Variants in SMYD5 observed in about 807,000 individuals in gnomAD.
The protein encoded by SMYD5 is protein-lysine N-trimethyltransferase SMYD5.
Under a neutral mutation model 57.4 loss-of-function variants are expected in SMYD5, and 35 were observed. The observed-to-expected ratio is 0.61, with a 90% CI of 0.47 to 0.81. The LOEUF (loss-of-function observed/expected upper bound fraction) is 0.81, where lower values mean the gene tolerates loss of function less well. Among genes scored for constraint, SMYD5 ranks in the 30% least tolerant of loss-of-function variants. The probability of loss-of-function intolerance (pLI) is 0.00; values close to 1 mark genes in which losing one functional copy is unlikely to be tolerated. For synonymous variants in SMYD5, 198 were observed against 189.7 expected, an observed-to-expected ratio of 1.04 and a Z score of -0.36; for missense variants, 471 against 527.9, an observed-to-expected ratio of 0.89 and a Z score of 1.06.
In SMYD5 at chr2:73,223,484, G is replaced by T; in HGVS notation, c.835G>T (p.Glu279Ter). The change falls in exon 9 of 13, where the codon GAG (glutamate) becomes TAG (stop). Residue 279 changes from glutamate (E) to a stop codon, truncating the protein, a stop_gained. Coordinates refer to ENST00000389501, the MANE Select transcript of SMYD5 (RefSeq NM_006062.3). LOFTEE classifies it high-confidence loss of function. The part of the protein sequence containing the change: ...DTLELKPQDR[E>*]QLDAFIDQLY... Reference sequence around the variant, plus strand: ...TCTGGAGTTGAAGCCTCAGGACCGTGAGCAGCTTGACGCCTTCATTGACCA... The same window carrying T: ...TCTGGAGTTGAAGCCTCAGGACCGTTAGCAGCTTGACGCCTTCATTGACCA... 1.2e-6 allele frequency: 2 copies of T among 1,614,166 alleles called. No homozygotes were observed. Among genetic ancestry groups the T allele is most frequent in the Non-Finnish European group, 8.5e-7 (1 of 1,180,016 alleles).
rs1686508694 is a variant in SMYD5, at chr2:73,226,442, A to G, written c.*496A>G. 1 of 154,300 alleles carries G rather than the reference A, an allele frequency of 6.5e-6. No individual in the cohort carries two copies. The highest frequency in any genetic ancestry group is 1.4e-5 in the Non-Finnish European group (1 of 69,390). 9.6% of individuals were successfully genotyped at this position (154,300 alleles called of 1,614,324 possible). A position where few individuals can be genotyped will look rare whatever the true frequency, so the allele number is the denominator to read the frequency against. ...TGGCTGGTAAGGCAACTGCTTGACC[A>G]CTGGCCCAGCAAGCAGAGGCGGGCA... On this transcript the variant is annotated 3_prime_UTR_variant, in exon 13 of 13. Transcript: ENST00000389501.
chr2:73,216,865 G>C (rs1021775010), intron 1 of SMYD5, among the ~76,000 whole-genome samples: 2 of 151,838 alleles, frequency 1.3e-5, no homozygotes, highest in Admixed American at 1.3e-4. Context: ...CACCATACCC[G>C]GCCTGCACGA....
chr2:73,214,717 G>A lies in SMYD5; in HGVS notation c.96+355G>A, dbSNP rs773144607. The stretch of plus-strand genomic sequence containing the variant: ...CAGAGAGAACTGAGGTGTAAAAGAG[G>A]GAGTCCTCACGAACTTCATGTGTGA... On this transcript the variant is annotated intron_variant, in intron 1 of 12. Transcript: ENST00000389501. The A allele has an allele frequency of 5.2e-6, 7 of 1,356,292 alleles. No individual in the cohort carries two copies. The South Asian group carries it at 7.4e-5, about 14-fold the overall frequency. The allele number at this position is 1,356,292 out of a possible 1,614,324, so 84.0% of individuals were successfully genotyped here.
In SMYD5 at chr2:73,223,093, G is replaced by C; in HGVS notation, c.763G>C (p.Gly255Arg). The change falls in exon 8 of 13, where the codon GGA becomes CGA. Residue 255 changes from glycine to arginine, a missense_variant. Physicochemically the swap from Gly to Arg is moderately radical, Grantham distance 125. Transcript: ENST00000389501. ...TGCTCTTGTTGGGACCAATGGCCAA[G>C]GAATCGGGACCAGGTTAGAATGTTC... The part of the protein sequence containing the change: ...LFALVGTNGQ[G>R]IGTSSLSQWV... The C allele has an allele frequency of 6.2e-7, 1 of 1,614,022 alleles. No homozygotes were observed. The highest frequency in any genetic ancestry group is 8.5e-7 in the Non-Finnish European group (1 of 1,179,862).
At position 73,226,612 on chromosome 2, in the gene SMYD5, C is replaced by G. The variant is rs1164549360; in HGVS notation, c.*666C>G. On this transcript the variant is annotated 3_prime_UTR_variant, in exon 13 of 13. Transcript: ENST00000389501. ...CCTCCCCCAGACTCGTGCCTTGCCT[C>G]TCAGGACCTGGCACAGTGGCTGGCC... 3 of 153,282 alleles carry G rather than the reference C, an allele frequency of 2.0e-5. No homozygotes were observed. Among genetic ancestry groups the G allele is most frequent in the African/African-American group, 7.2e-5 (3 of 41,442 alleles). The allele number at this position is 153,282 out of a possible 1,614,324, so 9.5% of individuals were successfully genotyped here. A position where few individuals can be genotyped will look rare whatever the true frequency, so the allele number is the denominator to read the frequency against.
intron 7 of SMYD5, 31 bp from the exon 8 acceptor site, chr2:73,223,005 A>G: frequency 6.3e-7 from 1 of 1,598,466 alleles, no homozygotes; most frequent in Non-Finnish European, 8.6e-7. Context: ...AGTGGCTGTA[A>G]TGAGCACTCA....
intron 1 of SMYD5, 189 bp downstream of exon 1, chr2:73,214,551 C>T: frequency 1.1e-5 from 17 of 1,485,182 alleles, no homozygotes; most frequent in Non-Finnish European, 1.5e-5. Context: ...ACGCGATAGA[C>T]CCGGGCCTCC....
In SMYD5 at chr2:73,214,271, C is replaced by T. The variant is rs746575983; in HGVS notation, c.5C>T (p.Ala2Val). 3.7e-6 allele frequency: 6 copies of T among 1,613,578 alleles called. No individual in the cohort carries two copies. In the East Asian group the frequency reaches 8.9e-5, roughly 24 times the overall value. The change falls in exon 1 of 13, where the codon GCG becomes GTG. Residue 2 changes from alanine to valine, a missense_variant. Coordinates refer to ENST00000389501, the MANE Select transcript of SMYD5 (RefSeq NM_006062.3). ...TAAGGCGGAGGCGCGCCCAAGATGG[C>T]GGCCTCCATGTGCGACGTGTTCTCC... is the stretch of plus-strand genomic sequence containing the variant. M[A>V]ASMCDVFSFC...
chr2:73,223,067 T>C lies in SMYD5; in HGVS notation c.737T>C (p.Phe246Ser), dbSNP rs1370729171. 1 of 1,614,190 alleles carries C rather than the reference T, an allele frequency of 6.2e-7. No homozygotes were observed. Among genetic ancestry groups the C allele is most frequent in the Admixed American group, 1.7e-5 (1 of 60,030 alleles). The change falls in exon 8 of 13, where the codon TTT becomes TCT. Residue 246 changes from phenylalanine (F) to serine (S), a missense_variant. Physicochemically the swap from Phe to Ser is radical, Grantham distance 155. Coordinates refer to ENST00000389501, the MANE Select transcript of SMYD5 (RefSeq NM_006062.3). ...WFTPDGFRSL[F>S]ALVGTNGQGI... is the part of the protein sequence containing the mutation. ...ACTCCAGATGGATTCCGGTCTCTCT[T>C]TGCTCTTGTTGGGACCAATGGCCAA...
Position 73,225,890 on chromosome 2 carries a change from G to A in SMYD5, c.1201G>A (p.Glu401Lys), listed in dbSNP as rs1483992694. 5.0e-6 allele frequency: 8 copies of A among 1,614,114 alleles called. No individual in the cohort carries two copies. Among genetic ancestry groups the A allele is most frequent in the Middle Eastern group, 1.6e-4 (1 of 6,084 alleles). The change falls in exon 13 of 13, where the codon GAG becomes AAG. Residue 401 changes from glutamate to lysine, a missense_variant. Transcript: ENST00000389501. ...TSEEEEEEEE[E>K]EEGEPEDAEL... ...AGAAGAGGAAGAGGAAGAGGAGGAG[G>A]AGGAGGAAGGAGAGCCAGAAGATGC...
intron 1 of SMYD5, among the ~76,000 whole-genome samples, chr2:73,215,025 C>T (rs990584937): frequency 1.3e-5 from 2 of 152,206 alleles, no homozygotes; most frequent in African/African-American, 4.8e-5. Flanking sequence ...TTTGATGCAG[C>T]AGTGAATCTT....
intron 10 of SMYD5, 126 bp from the exon 11 acceptor site, chr2:73,224,740 T>G: frequency 1.5e-6 from 1 of 689,362 alleles, no homozygotes; most frequent in Non-Finnish European, 2.5e-6. Context: ...GTCCAGAAAC[T>G]TGGGTTCCAA....
intron 11 of SMYD5, 166 bp downstream of exon 11, chr2:73,225,126 C>T (rs1051702131): frequency 1.7e-6 from 1 of 582,544 alleles, no homozygotes; most frequent in African/African-American, 1.9e-5. Context: ...AGGTTCTAAC[C>T]CTACCTCGCT....
chr2:73,223,239 G>A, intron 8 of SMYD5, 133 bp downstream of exon 8: 1 of 880,870 alleles, frequency 1.1e-6, no homozygotes, highest in Non-Finnish European at 1.9e-6. Flanking sequence ...CACAGTGGTG[G>A]GAATCAGAAT....
At position 73,225,401 on chromosome 2, in the gene SMYD5, G is replaced by A. The variant is rs1189854584; in HGVS notation, c.1036-230G>A. 1.5e-5 allele frequency: 9 copies of A among 610,122 alleles called. No individual in the cohort carries two copies. The African/African-American group carries it at 1.7e-4, about 11-fold the overall frequency. 37.8% of individuals were successfully genotyped at this position (610,122 alleles called of 1,614,324 possible). A position where few individuals can be genotyped will look rare whatever the true frequency, so the allele number is the denominator to read the frequency against. On this transcript the variant is annotated intron_variant, in intron 11 of 12. Coordinates refer to ENST00000389501, the MANE Select transcript of SMYD5 (RefSeq NM_006062.3). ...CATTGACTGGCTTTCACCACGGCCT[G>A]AGGCCAACCAGTCTCCTCTGTCTCA... is the stretch of plus-strand genomic sequence containing the variant.
chr2:73,218,727 C>T (rs948918583), intron 1 of SMYD5, 134 bp from the exon 2 acceptor site: 2 of 648,574 alleles, frequency 3.1e-6, no homozygotes, highest in Non-Finnish European at 5.5e-6. Context: ...TAACCACTCT[C>T]CATGAACTCA....
Position 73,226,217 on chromosome 2 carries a change from G to A in SMYD5, c.*271G>A. Reference sequence around the variant, plus strand: ...TCCCCTTGAGGTTCCTCCACTCTAGGGTTTGAGGGGCTGGAATCAGGGCCA... The same window carrying A: ...TCCCCTTGAGGTTCCTCCACTCTAGAGTTTGAGGGGCTGGAATCAGGGCCA... On this transcript the variant is annotated 3_prime_UTR_variant, in exon 13 of 13. Coordinates refer to ENST00000389501, the MANE Select transcript of SMYD5 (RefSeq NM_006062.3). 1 of 484,404 alleles carries A rather than the reference G, an allele frequency of 2.1e-6. No homozygotes were observed. Among genetic ancestry groups the A allele is most frequent in the East Asian group, 3.4e-5 (1 of 29,798 alleles). The allele number at this position is 484,404 out of a possible 1,614,324, so 30.0% of individuals were successfully genotyped here.
chr2:73,219,963 G>T lies in SMYD5; in HGVS notation c.206-88G>T, dbSNP rs751964435. 194 of 1,493,762 alleles carry T rather than the reference G, an allele frequency of 1.3e-4. 1 individual carries two copies. The highest frequency in any genetic ancestry group is 1.5e-4 in the Non-Finnish European group (159 of 1,070,102). The allele number at this position is 1,493,762 out of a possible 1,614,324, so 92.5% of individuals were successfully genotyped here. ...TTATGAAACACTAGAATGGTGCCTGGCACATAGCAGCTGCTCTGTAGGGCT... is the reference window on the plus strand; with the variant it reads ...TTATGAAACACTAGAATGGTGCCTGTCACATAGCAGCTGCTCTGTAGGGCT... On this transcript the variant is annotated intron_variant, in intron 2 of 12. Transcript: ENST00000389501.
intron 1 of SMYD5, 108 bp from the exon 2 acceptor site, chr2:73,218,753 C>T: frequency 4.0e-6 from 3 of 757,012 alleles, no homozygotes; most frequent in Non-Finnish European, 6.9e-6. Context: ...GCAGAGGCCT[C>T]TCCTAAGAGT....
Sources: allele counts gnomAD v4.1 joint callset (sites outside exome capture counted in the v4.1 genomes callset), GRCh38; gene constraint gnomAD v4.1.1; transcripts MANE v1.5; gene names NCBI Gene and HGNC (gene_info 2026-07-23, HGNC 2026-07-21).